GRXCR2: variants seen among roughly 807,000 people sequenced by gnomAD.
GRXCR2 encodes the protein glutaredoxin and cysteine rich domain containing 2, also known as glutaredoxin domain-containing cysteine-rich protein 2.
Under a neutral mutation model 24.8 loss-of-function variants are expected in GRXCR2, and 23 were observed. That is an observed-to-expected ratio of 0.93 (90% confidence interval 0.67 to 1.32). The LOEUF (loss-of-function observed/expected upper bound fraction) is 1.32. Ranked by LOEUF, GRXCR2 falls within the 40% of genes most tolerant of loss-of-function variation. The pLI is 0.00. For missense variants in GRXCR2, 315 were observed against 303.4 expected, an observed-to-expected ratio of 1.04 and a Z score of -0.28; for synonymous variants, 130 against 116.1, an observed-to-expected ratio of 1.12 and a Z score of -0.77.
intron 2 of GRXCR2, among the ~76,000 whole-genome samples, chr5:145,888,204 G>C (rs184349128): frequency 2.2e-4 from 33 of 152,292 alleles, no homozygotes; most frequent in Middle Eastern, 6.8e-3. Flanking sequence ...GCTGCATCAC[G>C]GAATGCACTA....
chr5:145,918,026 C>G (rs1211335101), intron 2 of GRXCR2, among the ~76,000 whole-genome samples: 3 of 152,196 alleles, frequency 2.0e-5, no homozygotes, highest in African/African-American at 7.2e-5. Context: ...GATCTGCCCA[C>G]CTCGGCCTCC....
upstream of GRXCR2, among the ~76,000 whole-genome samples, chr5:145,874,308 AT>A (rs1252210839): frequency 1.3e-5 from 2 of 151,802 alleles, no homozygotes; most frequent in Admixed American, 6.6e-5. Flanking sequence ...AGTTCGAGCA[AT>A]TCTCATGCCT....
At chr5:145,876,191 G>GTGTATATATA (rs1412232264), upstream of GRXCR2, among the ~76,000 whole-genome samples, 2,028 of 105,052 alleles carry the variant, frequency 0.019, 27 homozygotes, top group South Asian at 0.031. Context: ...GTGTGTGTGT[G>GTGTATATATA]TATATATATA....
intron 2 of GRXCR2, among the ~76,000 whole-genome samples, chr5:145,892,852 GA>G (rs1756890203): frequency 6.6e-6 from 1 of 152,172 alleles, no homozygotes; most frequent in East Asian, 1.9e-4. Context: ...AAGTTAAAAT[GA>G]AGGAAAAAAT....
At chr5:145,931,297 G>A (rs572201775) in intron 2 of GRXCR2, among the ~76,000 whole-genome samples, 17 of 152,266 alleles carry the variant, frequency 1.1e-4, no homozygotes, top group South Asian at 2.1e-4. Context: ...CTCCCAAAGC[G>A]CTGGAATTAC....
At chr5:145,866,134 CAA>C (rs71581841) in intron 2 of GRXCR2, among the ~76,000 whole-genome samples, 7 of 85,846 alleles carry the variant, frequency 8.2e-5, no homozygotes, top group East Asian at 4.1e-4. Flanking sequence ...AACTCCTTCT[CAA>C]AAAAAAAAAA....
At chr5:145,903,943 T>C in intron 2 of GRXCR2, among the ~76,000 whole-genome samples, 1 of 152,176 alleles carries the variant, frequency 6.6e-6, no homozygotes, top group Non-Finnish European at 1.5e-5. Flanking sequence ...GGGTGTTACA[T>C]GAAGCCTGAG....
At chr5:145,909,610 G>A (rs1757137115) in intron 2 of GRXCR2, among the ~76,000 whole-genome samples, 1 of 152,098 alleles carries the variant, frequency 6.6e-6, no homozygotes, top group East Asian at 1.9e-4. Flanking sequence ...GTTTGGTTGT[G>A]GTCTGTCTCC....
upstream of GRXCR2, among the ~76,000 whole-genome samples, chr5:145,876,189 G>GTATA (rs1295310846): frequency 4.4e-5 from 3 of 68,444 alleles, no homozygotes; most frequent in Non-Finnish European, 7.6e-5. Context: ...ATGTGTGTGT[G>GTATA]TGTATATATA....
intron 2 of GRXCR2, among the ~76,000 whole-genome samples, chr5:145,930,284 C>G (rs1204680036): frequency 1.3e-5 from 2 of 152,026 alleles, no homozygotes; most frequent in Non-Finnish European, 2.9e-5. Flanking sequence ...GAGGTTTTGC[C>G]ACGTTGCCCA....
chr5:145,887,743 AT>A (rs1299291987), intron 2 of GRXCR2, among the ~76,000 whole-genome samples: 1 of 152,178 alleles, frequency 6.6e-6, no homozygotes, highest in African/African-American at 2.4e-5. Context: ...AATTAAAGAC[AT>A]TTTGTACTTT....
intron 2 of GRXCR2, among the ~76,000 whole-genome samples, chr5:145,914,879 C>G (rs1042620835): frequency 6.6e-6 from 1 of 151,942 alleles, no homozygotes; most frequent in African/African-American, 2.4e-5. Flanking sequence ...TCAGGCCACC[C>G]GACAATGGAG....
At chr5:145,890,112 C>T (rs1424019778) in intron 2 of GRXCR2, among the ~76,000 whole-genome samples, 1 of 152,132 alleles carries the variant, frequency 6.6e-6, no homozygotes, top group East Asian at 1.9e-4. Context: ...TTTAAAAAGA[C>T]AGCATCTTCT....
chr5:145,915,188 C>G (rs1757219681), intron 2 of GRXCR2, among the ~76,000 whole-genome samples: 1 of 152,112 alleles, frequency 6.6e-6, no homozygotes, highest in African/African-American at 2.4e-5. Context: ...GGAGGAGGTT[C>G]TACAGAAGGT....
intron 2 of GRXCR2, among the ~76,000 whole-genome samples, chr5:145,925,799 C>T (rs950922125): frequency 1.3e-5 from 2 of 152,070 alleles, no homozygotes; most frequent in East Asian, 3.8e-4. Context: ...ATGTTATTTA[C>T]AGTCAGTTAT....
chr5:145,860,589 C>T (rs1050704170), intron 2 of GRXCR2, among the ~76,000 whole-genome samples: 2 of 152,116 alleles, frequency 1.3e-5, no homozygotes, highest in Non-Finnish European at 2.9e-5. Context: ...ATGAATGAAT[C>T]GATAAATGTT....
chr5:145,928,819 G>A (rs1170637501), intron 2 of GRXCR2, among the ~76,000 whole-genome samples: 1 of 150,050 alleles, frequency 6.7e-6, no homozygotes, highest in Non-Finnish European at 1.5e-5. Flanking sequence ...AAGTTAATGG[G>A]TGCAGCACAC....
intron 2 of GRXCR2, among the ~76,000 whole-genome samples, chr5:145,923,756 C>T (rs1757356828): frequency 6.6e-6 from 1 of 152,080 alleles, no homozygotes; most frequent in South Asian, 2.1e-4. Flanking sequence ...TTACCATCTT[C>T]TTTTTTCCAT....
intron 2 of GRXCR2, among the ~76,000 whole-genome samples, chr5:145,928,568 C>T (rs1757433314): frequency 6.6e-6 from 1 of 152,114 alleles, no homozygotes; most frequent in African/African-American, 2.4e-5. Context: ...GAATACTATG[C>T]AGCCATAAAC....
Sources: allele counts gnomAD v4.1 joint callset (sites outside exome capture counted in the v4.1 genomes callset), GRCh38; gene constraint gnomAD v4.1.1; transcripts MANE v1.5; gene names NCBI Gene and HGNC (gene_info 2026-07-23, HGNC 2026-07-21).